TNRC6A: variants seen among roughly 807,000 people sequenced by gnomAD.
TNRC6A encodes trinucleotide repeat containing adaptor 6A, also known as trinucleotide repeat-containing gene 6A protein.
In TNRC6A, 44 loss-of-function variants were observed where a neutral mutation model predicts 221.2. That is an observed-to-expected ratio of 0.20 (90% CI 0.16 to 0.26). TNRC6A has a LOEUF of 0.26. TNRC6A is among the 10% of genes least tolerant of loss of function. TNRC6A has a pLI of 1.00. For synonymous variants in TNRC6A, 847 were observed against 838.5 expected (o/e 1.01, Z -0.18); for missense variants, 2,199 against 2,404.4 (o/e 0.91, Z 1.79).
At chr16:24,650,483 G>A (rs1008662222) in intron 2 of TNRC6A, among the ~76,000 whole-genome samples, 8 of 152,034 alleles carry the variant, frequency 5.3e-5, no homozygotes, top group African/African-American at 1.9e-4. Context: ...TGGCCAACAT[G>A]GCAAAACCTT....
At chr16:24,742,659 C>A (rs750387042) in intron 2 of TNRC6A, among the ~76,000 whole-genome samples, 1 of 152,162 alleles carries the variant, frequency 6.6e-6, no homozygotes, top group Non-Finnish European at 1.5e-5. Context: ...CAGTGGCTCA[C>A]GCCTGTAATC....
chr16:24,613,737 T>C (rs1033142106), intron 1 of TNRC6A, among the ~76,000 whole-genome samples: 38 of 151,996 alleles, frequency 2.5e-4, no homozygotes, highest in African/African-American at 8.9e-4. Context: ...GGTTTCGCCA[T>C]GTTGGCCAGG....
At position 24,776,674 on chromosome 16, in the gene TNRC6A, G is replaced by A. The variant is rs978627890; in HGVS notation, c.164-259G>A. 1.3e-5 allele frequency: 13 copies of A among 985,324 alleles called. No homozygotes were observed. In the African/African-American group the frequency reaches 2.1e-4, roughly 16 times the overall value. 61.0% of individuals were successfully genotyped at this position (985,324 alleles called of 1,614,324 possible). On this transcript the variant is annotated intron_variant, in intron 4 of 24. Transcript: ENST00000395799. The stretch of plus-strand genomic sequence containing the variant: ...GACCAGAGAGTAATGTGGTAAAAGA[G>A]ATAGTGAACATGAGTTGTTGTCTTG...
In TNRC6A at chr16:24,702,665, G is replaced by A. The variant is rs544780146; in HGVS notation, n.403-48061G>A. ...ACGGTGACACCTCTTGAAACCAGGG[G>A]TTCGAGGCTGCAGTGAGCTGTGATC... On this transcript the variant is annotated intron_variant and non_coding_transcript_variant, in intron 2 of 2. Coordinates refer to the TNRC6A transcript ENST00000566108. Among the ~76,000 whole-genome samples the A allele has an allele frequency of 1.4e-4, 21 of 152,156 alleles. No homozygotes were observed. The South Asian group carries it at 1.7e-3, about 12-fold the overall frequency.
In TNRC6A at chr16:24,823,709, C is replaced by G. The variant is rs748601972; in HGVS notation, c.5791C>G (p.Pro1931Ala). 5.1e-6 allele frequency: 8 copies of G among 1,570,626 alleles called. No homozygotes were observed. In the East Asian group the frequency reaches 1.6e-4, roughly 32 times the overall value. The change falls in exon 25 of 25, where the codon CCC (proline) becomes GCC (alanine). Residue 1931 changes from proline (P) to alanine (A), a missense_variant. Pro to Ala is a conservative substitution (Grantham distance 27). This residue lies in a region of TNRC6A where 130 missense variants were observed against 121.7 expected (regional missense o/e 1.07). Coordinates refer to ENST00000395799, the MANE Select transcript of TNRC6A (RefSeq NM_014494.4). The surrounding 1 kb of genome is among the most constrained non-coding windows in gnomAD (Gnocchi z 4.3). ...GCATTATTCCACAAGCCTGTGGGGT[C>G]CCCCAAGCAGCAGCGACCCCCGAGG... ...TPHYSTSLWGPPSSSDPRGIS... is the reference protein window; with the variant it reads ...TPHYSTSLWGAPSSSDPRGIS...
At chr16:24,805,833 G>T in intron 15 of TNRC6A, 100 bp downstream of exon 15, 1 of 1,466,380 alleles carries the variant, frequency 6.8e-7, no homozygotes. Context: ...AAACAAAACA[G>T]GCGTAGTCAT....
chr16:24,746,450 A>G (rs1269806525), intron 2 of TNRC6A, among the ~76,000 whole-genome samples: 2 of 152,082 alleles, frequency 1.3e-5, no homozygotes, highest in Non-Finnish European at 2.9e-5. Context: ...TGAGGTTTCT[A>G]TTGGGAGCTG....
At chr16:24,802,991 C>A (rs1008614750) in intron 11 of TNRC6A, among the ~76,000 whole-genome samples, 2 of 152,168 alleles carry the variant, frequency 1.3e-5, no homozygotes, top group Non-Finnish European at 2.9e-5. Flanking sequence ...TATTGCAGAG[C>A]AGTCAGAATG....
intron 2 of TNRC6A, among the ~76,000 whole-genome samples, chr16:24,707,350 G>GCACACACACACA (rs34395729): frequency 1.4e-4 from 21 of 149,506 alleles, no homozygotes; most frequent in Non-Finnish European, 2.5e-4. Flanking sequence ...GAACATGGGC[G>GCACACACACACA]CACACACACA....
intron 2 of TNRC6A, among the ~76,000 whole-genome samples, chr16:24,736,985 G>A (rs548200517): frequency 6.6e-6 from 1 of 152,276 alleles, no homozygotes; most frequent in African/African-American, 2.4e-5. Flanking sequence ...AACCCTGGTA[G>A]GAAAATGAAA....
intron 3 of TNRC6A, among the ~76,000 whole-genome samples, chr16:24,751,617 T>C (rs538608092): frequency 5.6e-4 from 86 of 152,330 alleles, no homozygotes; most frequent in African/African-American, 1.8e-3. Context: ...TTTCAAGACA[T>C]TAAAATGCTC....
chr16:24,707,962 G>A (rs990383299), intron 2 of TNRC6A, among the ~76,000 whole-genome samples: 3 of 152,150 alleles, frequency 2.0e-5, no homozygotes, highest in Non-Finnish European at 4.4e-5. Flanking sequence ...AGAAGGCTGA[G>A]GTGGGAGGAC....
chr16:24,620,333 A>G (rs1238944107), intron 1 of TNRC6A, among the ~76,000 whole-genome samples: 1 of 152,180 alleles, frequency 6.6e-6, no homozygotes, highest in Non-Finnish European at 1.5e-5. Context: ...TCCGTTTGCA[A>G]TGCTACCTGA....
chr16:24,730,056 G>C (rs1456005416), intron 1 of TNRC6A, among the ~76,000 whole-genome samples, 197 bp from the exon 2 acceptor site: 1 of 148,910 alleles, frequency 6.7e-6, no homozygotes, highest in Non-Finnish European at 1.5e-5. Flanking sequence ...GCCAGGCCGG[G>C]GTTGCGCCTC....
chr16:24,650,561 T>A (rs951967054), intron 2 of TNRC6A, among the ~76,000 whole-genome samples: 2 of 151,568 alleles, frequency 1.3e-5, no homozygotes, highest in African/African-American at 4.8e-5. Flanking sequence ...GCTACTTGGG[T>A]GGCTGAGGCA....
chr16:24,812,877 C>CTTTTTTTT (rs71383720), intron 18 of TNRC6A, among the ~76,000 whole-genome samples: 6 of 75,008 alleles, frequency 8.0e-5, no homozygotes, highest in Non-Finnish European at 1.2e-4. Context: ...ACCTCTTGGG[C>CTTTTTTTT]TTTTTTTTTT....
chr16:24,617,935 C>G (rs1005970658), intron 1 of TNRC6A, among the ~76,000 whole-genome samples: 1 of 152,162 alleles, frequency 6.6e-6, no homozygotes, highest in Non-Finnish European at 1.5e-5. Flanking sequence ...GAGTCTCACT[C>G]TATCGCCCAG....
At position 24,791,594 on chromosome 16, in the gene TNRC6A, C is replaced by T. The variant is rs115399126; in HGVS notation, c.2952C>T (p.Pro984=). Residue 984 remains proline, a synonymous_variant, in exon 6 of 25, where the codon CCC becomes CCT. Transcript: ENST00000395799. ...CAGCCCCAGCAAAAGAAGAAGAACCCACAGGCTGGGAGGAACCATCCCCAG... is the reference window on the plus strand; with the variant it reads ...CAGCCCCAGCAAAAGAAGAAGAACCTACAGGCTGGGAGGAACCATCCCCAG... ...PIPAPAKEEE[P]TGWEEPSPES... is the part of the protein sequence containing the mutation. The T allele has an allele frequency of 1.4e-3, 2,264 of 1,589,628 alleles. 28 individuals carry two copies. The African/African-American group carries it at 0.026, about 18-fold the overall frequency.
chr16:24,760,485 G>A (rs1028214788), intron 4 of TNRC6A, among the ~76,000 whole-genome samples: 2 of 152,134 alleles, frequency 1.3e-5, no homozygotes, highest in Admixed American at 6.5e-5. Context: ...AGTATATGAA[G>A]GTCACTTCAG....
Sources: allele counts gnomAD v4.1 joint callset (sites outside exome capture counted in the v4.1 genomes callset), GRCh38; gene constraint gnomAD v4.1.1; regional missense constraint gnomAD v4.1.1; non-coding constraint Gnocchi (gnomAD v3.1); transcripts MANE v1.5; gene names NCBI Gene and HGNC (gene_info 2026-07-23, HGNC 2026-07-21).